Variants in SORCS1 observed in about 807,000 individuals in gnomAD.
SORCS1 encodes the protein sortilin related VPS10 domain containing receptor 1, also known as VPS10 domain-containing receptor SorCS1.
In SORCS1, 60 loss-of-function variants were observed where a neutral mutation model predicts 146.1. That is an observed-to-expected ratio of 0.41 (90% CI 0.33 to 0.51). The LOEUF is 0.51. SORCS1 is among the 20% of genes least tolerant of loss of function. The pLI is 0.21. For missense variants in SORCS1, 1,352 were observed against 1,487.6 expected (o/e 0.91, Z 1.50); for synonymous variants, 637 against 584.0 (o/e 1.09, Z -1.31).
chr10:106,636,642 C>A (rs1848740905), intron 18 of SORCS1, among the ~76,000 whole-genome samples: 1 of 152,166 alleles, frequency 6.6e-6, no homozygotes, highest in Non-Finnish European at 1.5e-5. Flanking sequence ...GGGGAAACCA[C>A]CCCTATGATC....
chr10:106,813,046 G>A (rs142075618), intron 3 of SORCS1, among the ~76,000 whole-genome samples: 12 of 151,666 alleles, frequency 7.9e-5, no homozygotes, highest in African/African-American at 1.9e-4. Context: ...AAACATCAGC[G>A]AACTGTATTG....
rs541010700 is a variant in SORCS1 at position 106,942,377 on chromosome 10, T to C, written c.626+14136A>G. On this transcript the variant is annotated intron_variant, in intron 2 of 25. Coordinates refer to ENST00000263054, the MANE Select transcript of SORCS1 (RefSeq NM_052918.5). ...AGCCCCTCAGTTCCCCAACCTCTTG[T>C]CCTTCCTCCTGGAATCATAACCAAA... Among the ~76,000 whole-genome samples, 10 of 152,280 alleles carry C rather than the reference T, an allele frequency of 6.6e-5. No homozygotes were observed. In the South Asian group the frequency reaches 2.1e-3, roughly 32 times the overall value.
intron 2 of SORCS1, among the ~76,000 whole-genome samples, chr10:106,922,527 G>C (rs755036610): frequency 1.9e-4 from 29 of 152,052 alleles, no homozygotes; most frequent in Admixed American, 1.3e-3. Flanking sequence ...TTTTTTATTA[G>C]GCTTCTTTTA....
chr10:106,863,814 TA>T (rs1223246386), intron 2 of SORCS1, among the ~76,000 whole-genome samples: 378 of 135,800 alleles, frequency 2.8e-3, no homozygotes, highest in Middle Eastern at 3.8e-3. Context: ...AGATTTTCCT[TA>T]AAAAAAAAAA....
At chr10:106,902,134 T>C (rs151017334) in intron 2 of SORCS1, among the ~76,000 whole-genome samples, 2 of 152,244 alleles carry the variant, frequency 1.3e-5, no homozygotes, top group East Asian at 1.9e-4. Context: ...ATTAGTAAAA[T>C]AGGCACTCTG....
chr10:106,897,795 A>G (rs1388540076), intron 2 of SORCS1, among the ~76,000 whole-genome samples: 1 of 152,236 alleles, frequency 6.6e-6, no homozygotes, highest in African/African-American at 2.4e-5. Flanking sequence ...GTGAGACTGT[A>G]ACCAACGCTT....
chr10:106,954,531 C>G lies in SORCS1; in HGVS notation c.626+1982G>C, dbSNP rs184791433. On this transcript the variant is annotated intron_variant, in intron 2 of 25. Transcript: ENST00000263054. The stretch of plus-strand genomic sequence containing the variant: ...GGAAGCTTAGTTTTCAGGCTTCAGG[C>G]TGTCTTGTGGCTTGAAGGTTGGGTT... Among the ~76,000 whole-genome samples, 74 of 152,314 alleles carry G rather than the reference C, an allele frequency of 4.9e-4. 1 individual carries two copies. Among genetic ancestry groups the G allele is most frequent in the African/African-American group, 1.7e-3 (71 of 41,564 alleles).
chr10:106,672,136 A>G (rs61868382), intron 15 of SORCS1, among the ~76,000 whole-genome samples: 5 of 152,080 alleles, frequency 3.3e-5, no homozygotes, highest in Non-Finnish European at 5.9e-5. Flanking sequence ...TGGCTTCATT[A>G]TACATCTACA....
At chr10:106,954,023 A>C (rs1391338010) in intron 2 of SORCS1, among the ~76,000 whole-genome samples, 1 of 152,112 alleles carries the variant, frequency 6.6e-6, no homozygotes, top group Non-Finnish European at 1.5e-5. Context: ...AACCCTTTCC[A>C]CTAAGTTTGA....
At chr10:106,588,700 A>G (rs1265927590) in intron 24 of SORCS1, among the ~76,000 whole-genome samples, 2 of 151,680 alleles carry the variant, frequency 1.3e-5, no homozygotes, top group African/African-American at 4.8e-5. Flanking sequence ...TCTCTACTAA[A>G]AATACAAAAA....
chr10:106,586,719 G>A (rs2133238643), intron 24 of SORCS1, among the ~76,000 whole-genome samples: 2 of 152,336 alleles, frequency 1.3e-5, no homozygotes, highest in Middle Eastern at 6.8e-3. Context: ...GCTTTGAGAG[G>A]CTGAAGTGGG....
chr10:106,999,736 C>G (rs1957141732), intron 1 of SORCS1, among the ~76,000 whole-genome samples: 1 of 152,202 alleles, frequency 6.6e-6, no homozygotes, highest in African/African-American at 2.4e-5. Flanking sequence ...GATTATACCT[C>G]CTTAATTCAG....
intron 5 of SORCS1, among the ~76,000 whole-genome samples, chr10:106,733,116 G>A (rs78066948): frequency 0.4 from 44,920 of 113,330 alleles, 10,108 homozygotes; most frequent in African/African-American, 0.45. Flanking sequence ...TCAAAAAAAA[G>A]AAAAGAAAAG....
intron 18 of SORCS1, among the ~76,000 whole-genome samples, chr10:106,631,747 C>T (rs780741687): frequency 2.0e-5 from 3 of 152,200 alleles, no homozygotes; most frequent in Non-Finnish European, 4.4e-5. Context: ...CAGACACTCA[C>T]ACAGCTGGGA....
chr10:107,078,494 T>C (rs1379593129), intron 1 of SORCS1, among the ~76,000 whole-genome samples: 1 of 152,192 alleles, frequency 6.6e-6, no homozygotes, highest in Non-Finnish European at 1.5e-5. Context: ...TGCCCAGATC[T>C]CAGGCTGAAG....
chr10:106,593,509 A>G (rs1269716856), intron 24 of SORCS1, among the ~76,000 whole-genome samples: 2 of 152,224 alleles, frequency 1.3e-5, no homozygotes, highest in Non-Finnish European at 1.5e-5. Context: ...AGTTTCCAAA[A>G]CTCAGTTATT....
At chr10:106,965,458 G>C (rs988561301) in intron 1 of SORCS1, among the ~76,000 whole-genome samples, 1 of 152,174 alleles carries the variant, frequency 6.6e-6, no homozygotes, top group African/African-American at 2.4e-5. Flanking sequence ...GGGAATGGCT[G>C]CTGAGTAGCA....
intron 2 of SORCS1, among the ~76,000 whole-genome samples, chr10:106,855,755 C>A (rs1395946895): frequency 6.6e-6 from 1 of 152,176 alleles, no homozygotes; most frequent in Non-Finnish European, 1.5e-5. Context: ...TCTCTGATGA[C>A]ATTATCCATC....
intron 20 of SORCS1, 137 bp downstream of exon 20, chr10:106,620,291 A>G: frequency 9.2e-7 from 1 of 1,088,308 alleles, no homozygotes; most frequent in Non-Finnish European, 1.3e-6. Context: ...ATACTTGAGC[A>G]CCAAGGGAGC....
Sources: gnomAD v4.1 joint callset for allele counts (sites outside exome capture counted in the v4.1 genomes callset) on GRCh38, gnomAD v4.1.1 for gene constraint, MANE v1.5 for transcripts, NCBI Gene and HGNC (gene_info 2026-07-23, HGNC 2026-07-21) for gene names.